The following ANKRD40CL variants were observed in gnomAD, a reference collection of about 807,000 sequenced individuals.
The protein encoded by ANKRD40CL is ANKRD40 C-terminal like.
For missense variants in ANKRD40CL, 11 were observed against 6.4 expected, an observed-to-expected ratio of 1.71 and a Z score of -0.77; for synonymous variants, 5 against 2.3, an observed-to-expected ratio of 2.14 and a Z score of -1.04.
chr17:50,762,389 C>T (rs1971215805), intron 3 of ANKRD40CL, among the ~76,000 whole-genome samples: 1 of 152,012 alleles, frequency 6.6e-6, no homozygotes, highest in Admixed American at 6.6e-5. Flanking sequence ...TGAGAACAGC[C>T]TGGGCAATAT....
rs1231009771 is a variant in ANKRD40CL, at chr17:50,767,022, A to G, written c.-98-11T>C. 1.4e-6 allele frequency: 1 copy of G among 702,068 alleles called. No individual in the cohort carries two copies. The highest frequency in any genetic ancestry group is 2.7e-5 in the East Asian group (1 of 37,286). The allele number at this position is 702,068 out of a possible 1,614,324, so 43.5% of individuals were successfully genotyped here. ...CCTCAGCACATCTGTCTGCAAGGTAACAACAGTGTGTTCTTGCCAGCCCAG... is the reference window on the plus strand; with the variant it reads ...CCTCAGCACATCTGTCTGCAAGGTAGCAACAGTGTGTTCTTGCCAGCCCAG... On this transcript the variant is annotated splice_polypyrimidine_tract_variant and intron_variant, in intron 1 of 3. Coordinates refer to ENST00000450727, the MANE Select transcript of ANKRD40CL (RefSeq NM_001358683.3).
chr17:50,764,128 G>A (rs764247728), intron 2 of ANKRD40CL: 2 of 398,584 alleles, frequency 5.0e-6, no homozygotes, highest in Non-Finnish European at 8.8e-6. Context: ...GGTCAGTTTG[G>A]CTTTGCAACC....
At chr17:50,766,324 C>T (rs946906231) in intron 2 of ANKRD40CL, among the ~76,000 whole-genome samples, 9 of 152,150 alleles carry the variant, frequency 5.9e-5, no homozygotes, top group Admixed American at 5.2e-4. Flanking sequence ...TGACCTGAAA[C>T]GAGGCCTTCC....
chr17:50,765,113 T>C (rs1971274889), intron 2 of ANKRD40CL: 1 of 152,236 alleles, frequency 6.6e-6, no homozygotes, highest in East Asian at 1.9e-4. Flanking sequence ...ATGTAGCTTC[T>C]TGTCACATGA....
chr17:50,762,515 G>A (rs1567888254), intron 3 of ANKRD40CL, among the ~76,000 whole-genome samples: 1 of 152,152 alleles, frequency 6.6e-6, no homozygotes, highest in South Asian at 2.1e-4. Context: ...TTTCGAGGCT[G>A]CAGTGAGCTA....
chr17:50,763,737 T>C (rs1172278856), intron 2 of ANKRD40CL, 180 bp from the exon 3 acceptor site: 1 of 392,980 alleles, frequency 2.5e-6, no homozygotes, highest in Admixed American at 4.4e-5. Flanking sequence ...AGGGTTCTTT[T>C]CTTGGAGTGT....
At chr17:50,762,890 T>G (rs564228829) in intron 3 of ANKRD40CL, 9 of 152,086 alleles carry the variant, frequency 5.9e-5, no homozygotes, top group African/African-American at 1.7e-4. Flanking sequence ...GGGAGTCACT[T>G]GTCATTCAGA....
intron 3 of ANKRD40CL, among the ~76,000 whole-genome samples, chr17:50,762,214 C>G (rs1372430524): frequency 6.6e-6 from 1 of 152,144 alleles, no homozygotes; most frequent in Non-Finnish European, 1.5e-5. Context: ...AGACACCACA[C>G]CCAGCAGATT....
At chr17:50,765,560 G>A (rs1011013782) in intron 2 of ANKRD40CL, among the ~76,000 whole-genome samples, 11 of 152,220 alleles carry the variant, frequency 7.2e-5, no homozygotes, top group Admixed American at 2.6e-4. Context: ...ATATGGATGT[G>A]ACCAGGGCCA....
chr17:50,761,878 C>T (rs1597955781), intron 3 of ANKRD40CL, among the ~76,000 whole-genome samples: 2 of 152,152 alleles, frequency 1.3e-5, no homozygotes, highest in East Asian at 3.9e-4. Flanking sequence ...CCACCTGGGC[C>T]TCCCAAAATG....
rs1489922131 is a variant in ANKRD40CL at position 50,761,259 on chromosome 17, G to A, written c.*104C>T. 2.6e-6 allele frequency: 1 copy of A among 390,566 alleles called. No homozygotes were observed. The highest frequency in any genetic ancestry group is 4.4e-5 in the Admixed American group (1 of 22,480). 24.2% of individuals were successfully genotyped at this position (390,566 alleles called of 1,614,324 possible). On this transcript the variant is annotated 3_prime_UTR_variant, in exon 4 of 4. Transcript: ENST00000450727. Reference sequence around the variant, plus strand: ...CTGGGTTTCACTATATGTTGGCCAGGCTGGTCTAGAACTCCTGACCTCAGG... The same window carrying A: ...CTGGGTTTCACTATATGTTGGCCAGACTGGTCTAGAACTCCTGACCTCAGG...
chr17:50,762,753 C>T (rs1185170890), intron 3 of ANKRD40CL: 1 of 147,198 alleles, frequency 6.8e-6, no homozygotes, highest in Non-Finnish European at 1.5e-5. Context: ...GCAAACCCAC[C>T]CTTTGCTAAG....
At chr17:50,766,548 A>G in intron 2 of ANKRD40CL, 1 of 303,976 alleles carries the variant, frequency 3.3e-6, no homozygotes. Flanking sequence ...AAGTTACATA[A>G]CCTCTCTGAT....
intron 2 of ANKRD40CL, 93 bp from the exon 3 acceptor site, chr17:50,763,650 A>T: frequency 2.5e-6 from 1 of 398,022 alleles, no homozygotes; most frequent in Non-Finnish European, 4.4e-6. Context: ...CTATTATTAC[A>T]GCATAAATAA....
intron 2 of ANKRD40CL, 129 bp downstream of exon 2, chr17:50,766,745 A>G (rs1005448431): frequency 1.7e-6 from 1 of 583,932 alleles, no homozygotes; most frequent in African/African-American, 1.9e-5. Context: ...GCTCTTCACT[A>G]CCCCACTGGC....
intron 3 of ANKRD40CL, among the ~76,000 whole-genome samples, chr17:50,761,941 AT>A (rs111617978): frequency 4.1e-4 from 60 of 146,226 alleles, no homozygotes; most frequent in East Asian, 5.9e-4. Context: ...ATAGTTCTGT[AT>A]TTTTTTTTTT....
intron 2 of ANKRD40CL, 146 bp from the exon 3 acceptor site, chr17:50,763,703 C>T (rs1382900639): frequency 2.5e-6 from 1 of 396,282 alleles, no homozygotes; most frequent in Non-Finnish European, 4.4e-6. Context: ...CTTTCATGGG[C>T]ACATACACAC....
chr17:50,766,764 G>C (rs540686197), intron 2 of ANKRD40CL, 110 bp downstream of exon 2: 1 of 578,768 alleles, frequency 1.7e-6, no homozygotes, highest in Admixed American at 3.0e-5. Flanking sequence ...GCAGAGTGGC[G>C]GAGGCCACAG....
At chr17:50,766,579 C>A in intron 2 of ANKRD40CL, 1 of 375,002 alleles carries the variant, frequency 2.7e-6, no homozygotes, top group South Asian at 8.9e-5. Flanking sequence ...GGTTAACAAT[C>A]CTACCTCACC....
Sources: allele counts gnomAD v4.1 joint callset (sites outside exome capture counted in the v4.1 genomes callset), GRCh38; gene constraint gnomAD v4.1.1; transcripts MANE v1.5; gene names NCBI Gene and HGNC (gene_info 2026-07-23, HGNC 2026-07-21).